Variants in PKHD1L1 observed in about 807,000 individuals in gnomAD.
PKHD1L1 encodes PKHD1 like 1, also known as fibrocystin-L.
A neutral mutation model predicts 462.9 loss-of-function variants in PKHD1L1; 434 were observed. That is an observed-to-expected ratio of 0.94 (90% confidence interval 0.87 to 1.02). The LOEUF is 1.02. Among genes scored for constraint, PKHD1L1 ranks in the 50% least tolerant of loss-of-function variants. PKHD1L1 has a pLI of 0.00. For synonymous variants in PKHD1L1, 1,781 were observed against 1,750.0 expected (o/e 1.02, Z -0.44); for missense variants, 5,202 against 5,096.1 (o/e 1.02, Z -0.63).
intron 67 of PKHD1L1, among the ~76,000 whole-genome samples, chr8:109,503,329 A>G (rs962114294): frequency 3.9e-5 from 6 of 151,946 alleles, no homozygotes; most frequent in Admixed American, 3.3e-4. Context: ...AAAAAAACAG[A>G]AGACCGCAGC....
At chr8:109,458,500 G>T (rs976663992) in intron 46 of PKHD1L1, among the ~76,000 whole-genome samples, 1 of 152,146 alleles carries the variant, frequency 6.6e-6, no homozygotes, top group Admixed American at 6.6e-5. Flanking sequence ...TAGAAGAGCA[G>T]ACAAGTCAGT....
Position 109,504,474 on chromosome 8 carries a change from T to C in PKHD1L1, c.10976T>C (p.Ile3659Thr). ...VDTTEQSKIF[I>T]HRPDISKVNP... ...ACCACTGAACAATCAAAAATATTTA[T>C]ACATAGGCCTGATATAAGGTAAAAT... Residue 3659 changes from isoleucine (I) to threonine (T), a missense_variant, in exon 68 of 78, where the codon ATA becomes ACA. Coordinates refer to ENST00000378402, the MANE Select transcript of PKHD1L1 (RefSeq NM_177531.6). 6 of 1,522,316 alleles carry C rather than the reference T, an allele frequency of 3.9e-6. No homozygotes were observed. The highest frequency in any genetic ancestry group is 5.3e-6 in the Non-Finnish European group (6 of 1,130,248). The allele number at this position is 1,522,316 out of a possible 1,614,324, so 94.3% of individuals were successfully genotyped here. A position where few individuals can be genotyped will look rare whatever the true frequency, so the allele number is the denominator to read the frequency against.
At chr8:109,475,025 C>T (rs1817903445) in intron 50 of PKHD1L1, 93 bp from the exon 51 acceptor site, 1 of 1,235,280 alleles carries the variant, frequency 8.1e-7, no homozygotes, top group Non-Finnish European at 1.1e-6. Flanking sequence ...CTAAACCAAC[C>T]AAACTAAACT....
intron 46 of PKHD1L1, among the ~76,000 whole-genome samples, chr8:109,459,368 C>T (rs962952060): frequency 2.0e-5 from 3 of 152,100 alleles, no homozygotes; most frequent in Non-Finnish European, 2.9e-5. Flanking sequence ...GTTCTAGGAA[C>T]GAATGTAGAC....
chr8:109,425,494 C>T (rs1814697620), intron 24 of PKHD1L1, among the ~76,000 whole-genome samples: 1 of 151,856 alleles, frequency 6.6e-6, no homozygotes, highest in Admixed American at 6.6e-5. Flanking sequence ...GGAAATACTT[C>T]ACCCATCCAA....
chr8:109,434,189 G>A (rs1450451263), intron 28 of PKHD1L1, among the ~76,000 whole-genome samples: 1 of 152,018 alleles, frequency 6.6e-6, no homozygotes, highest in Admixed American at 6.6e-5. Context: ...GATGATATGT[G>A]TATATCTATG....
chr8:109,500,978 C>T (rs944011404), intron 67 of PKHD1L1, among the ~76,000 whole-genome samples: 1 of 152,134 alleles, frequency 6.6e-6, no homozygotes, highest in Non-Finnish European at 1.5e-5. Flanking sequence ...CATCTGGGAA[C>T]TATGACCTCC....
chr8:109,430,542 CATT>C (rs1455072087), intron 27 of PKHD1L1, among the ~76,000 whole-genome samples: 1 of 152,156 alleles, frequency 6.6e-6, no homozygotes, highest in Non-Finnish European at 1.5e-5. Context: ...CTAAGGAACA[CATT>C]ATGCCATTTC....
intron 68 of PKHD1L1, among the ~76,000 whole-genome samples, chr8:109,505,695 T>A (rs137955631): frequency 1.3e-5 from 2 of 152,238 alleles, no homozygotes; most frequent in African/African-American, 4.8e-5. Flanking sequence ...GCCCAGGAGT[T>A]TGAGGCCAGC....
At chr8:109,474,230 C>T (rs2130864330) in intron 50 of PKHD1L1, among the ~76,000 whole-genome samples, 1 of 152,198 alleles carries the variant, frequency 6.6e-6, no homozygotes, top group South Asian at 2.1e-4. Context: ...AATCTTGCTT[C>T]TAGCTTCTTC....
intron 2 of PKHD1L1, among the ~76,000 whole-genome samples, chr8:109,376,742 A>G (rs932403879): frequency 2.0e-5 from 3 of 152,236 alleles, no homozygotes; most frequent in Non-Finnish European, 4.4e-5. Context: ...GTTAAACATT[A>G]TACAACAATG....
chr8:109,523,573 T>C (rs995355274), intron 76 of PKHD1L1, among the ~76,000 whole-genome samples, 187 bp downstream of exon 76: 2 of 152,194 alleles, frequency 1.3e-5, no homozygotes, highest in Middle Eastern at 3.2e-3. Context: ...GTGAAATAAA[T>C]AGAAATTAAA....
intron 53 of PKHD1L1, 149 bp from the exon 54 acceptor site, chr8:109,479,402 G>A: frequency 1.7e-6 from 1 of 600,864 alleles, no homozygotes. Flanking sequence ...AGCACCATGT[G>A]TCAAGGGTCT....
Position 109,449,400 on chromosome 8 carries a change from A to T in PKHD1L1, c.6088A>T (p.Ile2030Phe), listed in dbSNP as rs375977359. The T allele has an allele frequency of 1.7e-5, 27 of 1,590,396 alleles. No homozygotes were observed. Among genetic ancestry groups the T allele is most frequent in the Non-Finnish European group, 2.1e-5 (25 of 1,167,088 alleles). ...TGTGFNPQNS[I>F]ILVCGSECAI... ...CACCGGATTTAATCCACAAAATTCA[A>T]TTATATTAGTTTGTGGCTCAGAATG... Residue 2030 changes from isoleucine to phenylalanine, a missense_variant, in exon 40 of 78, where the codon ATT becomes TTT. By Grantham distance (21) the Ile-to-Phe change is conservative. Transcript: ENST00000378402.
At chr8:109,462,330 C>T (rs529307899) in intron 48 of PKHD1L1, among the ~76,000 whole-genome samples, 1 of 152,252 alleles carries the variant, frequency 6.6e-6, no homozygotes, top group South Asian at 2.1e-4. Context: ...TTACACCCCT[C>T]TTCAAAATCC....
intron 57 of PKHD1L1, among the ~76,000 whole-genome samples, chr8:109,483,993 T>C (rs1278000227): frequency 6.6e-6 from 1 of 151,834 alleles, no homozygotes; most frequent in African/African-American, 2.4e-5. Flanking sequence ...TGGATGGATT[T>C]CATCTCCAAG....
intron 4 of PKHD1L1, among the ~76,000 whole-genome samples, chr8:109,383,728 T>C (rs1382339768): frequency 6.6e-6 from 1 of 151,662 alleles, no homozygotes; most frequent in Admixed American, 6.6e-5. Flanking sequence ...ACCTAAATGG[T>C]CTTAAAGCGA....
At chr8:109,481,329 T>A in intron 55 of PKHD1L1, 104 bp from the exon 56 acceptor site, 1 of 1,069,010 alleles carries the variant, frequency 9.4e-7, no homozygotes, top group Non-Finnish European at 1.3e-6. Context: ...ACAAAACTCA[T>A]TCCTTTTTAC....
chr8:109,391,377 A>G (rs1812703979), intron 9 of PKHD1L1, among the ~76,000 whole-genome samples: 1 of 152,194 alleles, frequency 6.6e-6, no homozygotes, highest in Non-Finnish European at 1.5e-5. Flanking sequence ...TTCAGCAACC[A>G]GTACCACATT....
Sources: allele counts gnomAD v4.1 joint callset (sites outside exome capture counted in the v4.1 genomes callset), GRCh38; gene constraint gnomAD v4.1.1; transcripts MANE v1.5; gene names NCBI Gene and HGNC (gene_info 2026-07-23, HGNC 2026-07-21).